Variants in FHIP1A observed in about 807,000 individuals in gnomAD.
FHIP1A encodes the protein FHF complex subunit HOOK interacting protein 1A, also known as FHF complex subunit HOOK-interacting protein 1A.
FHIP1A carries 61 observed loss-of-function variants against 88.6 expected under a neutral mutation model. The observed-to-expected ratio is 0.69, with a 90% confidence interval of 0.56 to 0.85. FHIP1A has a LOEUF of 0.85. Among genes scored for constraint, FHIP1A ranks in the 40% least tolerant of loss-of-function variants. FHIP1A has a pLI of 0.00. For synonymous variants in FHIP1A, 478 were observed against 496.0 expected (o/e 0.96, Z 0.48); for missense variants, 1,154 against 1,273.5 (o/e 0.91, Z 1.43).
chr4:151,480,531 A>C (rs921927920), intron 2 of FHIP1A, among the ~76,000 whole-genome samples: 1 of 152,050 alleles, frequency 6.6e-6, no homozygotes, highest in Non-Finnish European at 1.5e-5. Context: ...GCACATGATG[A>C]TAAAACTGTT....
chr4:151,523,543 T>C (rs1350567619), intron 3 of FHIP1A, among the ~76,000 whole-genome samples: 6 of 152,144 alleles, frequency 3.9e-5, no homozygotes, highest in Non-Finnish European at 4.4e-5. Flanking sequence ...TTTTTAAAGG[T>C]AGGGGCTATG....
intron 3 of FHIP1A, among the ~76,000 whole-genome samples, chr4:151,555,649 T>G (rs912561894): frequency 2.0e-5 from 3 of 152,184 alleles, no homozygotes; most frequent in African/African-American, 4.8e-5. Context: ...CCTATGGAGT[T>G]AAACAAGATG....
intron 3 of FHIP1A, among the ~76,000 whole-genome samples, chr4:151,521,675 TTGTA>T (rs35842414): frequency 0.039 from 5,890 of 150,394 alleles, 141 homozygotes; most frequent in Middle Eastern, 0.069. Flanking sequence ...GTATGTCAGT[TTGTA>T]TGTATGTATG....
In FHIP1A at chr4:151,623,716, T is replaced by C. The variant is rs76016504; in HGVS notation, c.979-5986T>C. 5.6e-3 allele frequency among the ~76,000 whole-genome samples: 858 copies of C among 152,276 alleles called. 6 individuals are homozygous for C. Among genetic ancestry groups the C allele is most frequent in the Non-Finnish European group, 7.0e-3 (473 of 68,016 alleles). On this transcript the variant is annotated intron_variant, in intron 7 of 13. Coordinates refer to ENST00000435205, the MANE Select transcript of FHIP1A (RefSeq NM_001109977.3). Reference sequence around the variant, plus strand: ...GAGGAGGAAACAGGCTTAGATTAAATAACACAATAAAGGTTATAAAGGTAA... The same window carrying C: ...GAGGAGGAAACAGGCTTAGATTAAACAACACAATAAAGGTTATAAAGGTAA...
chr4:151,654,767 G>A (rs1250047219), intron 11 of FHIP1A, among the ~76,000 whole-genome samples: 1 of 152,172 alleles, frequency 6.6e-6, no homozygotes, highest in Non-Finnish European at 1.5e-5. Context: ...AAGTCTCCCA[G>A]TTGTTTGTTA....
At position 151,485,869 on chromosome 4, in the gene FHIP1A, G is replaced by A. The variant is rs569160755; in HGVS notation, c.-123+3221G>A. Among the ~76,000 whole-genome samples the A allele has an allele frequency of 3.3e-5, 5 of 152,214 alleles. No individual in the cohort carries two copies. The South Asian group carries it at 8.3e-4, about 25-fold the overall frequency. ...CTCCCAAAGTGTGGGGATTACAGGC[G>A]TGGGCCACTGTGCCTGGCTGAGGTT... is the stretch of plus-strand genomic sequence containing the variant. On this transcript the variant is annotated intron_variant, in intron 3 of 13. Transcript: ENST00000435205.
intron 1 of FHIP1A, among the ~76,000 whole-genome samples, chr4:151,435,224 GCTAA>G (rs2126547553): frequency 6.6e-6 from 1 of 152,034 alleles, no homozygotes; most frequent in African/African-American, 2.4e-5. Flanking sequence ...ACTCCTTTTA[GCTAA>G]CTATTTTCCT....
chr4:151,615,283 A>T (rs1297354846), intron 7 of FHIP1A, among the ~76,000 whole-genome samples: 1 of 152,274 alleles, frequency 6.6e-6, no homozygotes. Flanking sequence ...GAAATTTATT[A>T]TCAGGTAGAC....
At chr4:151,516,154 A>G (rs939467842) in intron 3 of FHIP1A, among the ~76,000 whole-genome samples, 15 of 152,230 alleles carry the variant, frequency 9.9e-5, no homozygotes, top group Non-Finnish European at 1.8e-4. Flanking sequence ...CCGCATGTCT[A>G]CAACTGTTTG....
intron 3 of FHIP1A, among the ~76,000 whole-genome samples, chr4:151,504,572 G>A (rs1049369751): frequency 2.6e-5 from 3 of 114,476 alleles, no homozygotes; most frequent in African/African-American, 6.5e-5. Context: ...TTTATGTTAT[G>A]TTATGTTATG....
intron 1 of FHIP1A, among the ~76,000 whole-genome samples, chr4:151,420,866 T>C (rs1041836893): frequency 5.3e-5 from 8 of 152,210 alleles, no homozygotes; most frequent in African/African-American, 1.7e-4. Context: ...ATGGCAGAAA[T>C]GTCTAATTAA....
intron 1 of FHIP1A, among the ~76,000 whole-genome samples, chr4:151,445,974 G>T (rs1728586304): frequency 6.6e-6 from 1 of 151,256 alleles, no homozygotes. Flanking sequence ...TGCTATGAAG[G>T]TAGCGCTGTT....
At chr4:151,623,818 T>G (rs1735844282) in intron 7 of FHIP1A, among the ~76,000 whole-genome samples, 3 of 152,188 alleles carry the variant, frequency 2.0e-5, no homozygotes, top group African/African-American at 7.2e-5. Context: ...TCTATTATCT[T>G]CCTCTCGCTG....
chr4:151,593,055 C>T (rs367885898), intron 7 of FHIP1A, among the ~76,000 whole-genome samples: 22 of 152,066 alleles, frequency 1.4e-4, no homozygotes, highest in South Asian at 1.2e-3. Flanking sequence ...TTAGGTTTGT[C>T]GAAGATTAGG....
intron 1 of FHIP1A, among the ~76,000 whole-genome samples, chr4:151,424,070 C>T (rs947299010): frequency 6.6e-6 from 1 of 152,204 alleles, no homozygotes; most frequent in African/African-American, 2.4e-5. Flanking sequence ...TGTCTTATAT[C>T]TCTGTGCCTC....
At chr4:151,593,778 C>T (rs574286604) in intron 7 of FHIP1A, among the ~76,000 whole-genome samples, 2 of 152,286 alleles carry the variant, frequency 1.3e-5, no homozygotes, top group African/African-American at 4.8e-5. Context: ...ATTGCCCTGG[C>T]CAGAACTTCC....
Position 151,656,908 on chromosome 4 carries a change from G to T in FHIP1A, c.2869+10G>T. Reference sequence around the variant, plus strand: ...GCAGCACTAACCAAAGGTAAGCCAGGTTTCTCCACAGCGCCCCTCCTTAAA... The same window carrying T: ...GCAGCACTAACCAAAGGTAAGCCAGTTTTCTCCACAGCGCCCCTCCTTAAA... On this transcript the variant is annotated intron_variant, in intron 13 of 13. Coordinates refer to ENST00000435205, the MANE Select transcript of FHIP1A (RefSeq NM_001109977.3). The surrounding 1 kb of genome is among the most constrained non-coding windows in gnomAD (Gnocchi z 4.2). 1.9e-6 allele frequency: 3 copies of T among 1,545,992 alleles called. No homozygotes were observed. Among genetic ancestry groups the T allele is most frequent in the Non-Finnish European group, 2.6e-6 (3 of 1,143,582 alleles).
intron 3 of FHIP1A, among the ~76,000 whole-genome samples, chr4:151,503,447 TC>T (rs745790334): frequency 1.8e-4 from 27 of 152,132 alleles, no homozygotes; most frequent in Non-Finnish European, 2.9e-4. Flanking sequence ...TGAGGCAATC[TC>T]CTGGTGGGAG....
At chr4:151,615,838 G>A (rs10020313) in intron 7 of FHIP1A, among the ~76,000 whole-genome samples, 5,148 of 152,218 alleles carry the variant, frequency 0.034, 296 homozygotes, top group African/African-American at 0.12. Flanking sequence ...GATTACTTTG[G>A]CCATAAGTCA....
Sources: allele counts gnomAD v4.1 joint callset (sites outside exome capture counted in the v4.1 genomes callset), GRCh38; gene constraint gnomAD v4.1.1; non-coding constraint Gnocchi (gnomAD v3.1); transcripts MANE v1.5; gene names NCBI Gene and HGNC (gene_info 2026-07-23, HGNC 2026-07-21).